The following SLC25A12 variants were observed in gnomAD, a reference collection of about 807,000 sequenced individuals.
SLC25A12 encodes electrogenic aspartate/glutamate antiporter SLC25A12, mitochondrial.
SLC25A12 carries 32 observed loss-of-function variants against 83.3 expected under a neutral mutation model. The observed-to-expected ratio is 0.38, with a 90% confidence interval of 0.29 to 0.52. The LOEUF is 0.52. Among genes scored for constraint, SLC25A12 ranks in the 20% least tolerant of loss-of-function variants. SLC25A12 has a pLI of 0.84. For missense variants in SLC25A12, 611 were observed against 835.6 expected, an observed-to-expected ratio of 0.73 and a Z score of 3.31; for synonymous variants, 267 against 291.1, an observed-to-expected ratio of 0.92 and a Z score of 0.84.
Position 171,893,216 on chromosome 2 carries a change from T to A in SLC25A12, c.55A>T (p.Ile19Leu). ...KRGDPHELRN[I>L]FLQYASTEVD... Reference sequence around the variant, plus strand: ...GCAAGCCAATTTACCTGTAGAAATATGTTTCTTAACTCATGAGGATCCCCT... The same window carrying A: ...GCAAGCCAATTTACCTGTAGAAATAAGTTTCTTAACTCATGAGGATCCCCT... Residue 19 changes from isoleucine to leucine, a missense_variant, in exon 2 of 18, where the codon ATA becomes TTA. Physicochemically the swap from Ile to Leu is conservative, Grantham distance 5. Around this residue, in one of 3 missense-constraint regions of SLC25A12, gnomAD observed 34 missense variants for 23.0 expected, o/e 1.48. Coordinates refer to ENST00000422440, the MANE Select transcript of SLC25A12 (RefSeq NM_003705.5). The A allele has an allele frequency of 6.2e-7, 1 of 1,614,092 alleles. No homozygotes were observed. Among genetic ancestry groups the A allele is most frequent in the Non-Finnish European group, 8.5e-7 (1 of 1,179,998 alleles).
At chr2:171,866,771 C>T (rs1453651445) in intron 3 of SLC25A12, among the ~76,000 whole-genome samples, 3 of 144,746 alleles carry the variant, frequency 2.1e-5, no homozygotes, top group Admixed American at 6.8e-5. Flanking sequence ...GGGCTGACCC[C>T]CCCCACCTCC....
At chr2:171,882,027 A>G (rs971392711) in intron 2 of SLC25A12, among the ~76,000 whole-genome samples, 4 of 152,212 alleles carry the variant, frequency 2.6e-5, no homozygotes. Context: ...ATAGTATGAC[A>G]GCTGCACTGG....
intron 4 of SLC25A12, chr2:171,848,393 G>A: frequency 2.4e-6 from 1 of 410,980 alleles, no homozygotes; most frequent in Admixed American, 2.9e-5. Flanking sequence ...TTATAGGCTT[G>A]AGACCAAACA....
At chr2:171,884,009 G>A (rs1685755616) in intron 2 of SLC25A12, among the ~76,000 whole-genome samples, 1 of 151,396 alleles carries the variant, frequency 6.6e-6, no homozygotes, top group Non-Finnish European at 1.5e-5. Context: ...TACAAGCACA[G>A]GCCACCATGC....
chr2:171,789,432 G>A (rs890340453), intron 15 of SLC25A12, among the ~76,000 whole-genome samples: 35 of 152,094 alleles, frequency 2.3e-4, no homozygotes, highest in African/African-American at 7.7e-4. Flanking sequence ...GTTTCACCGT[G>A]TTAGCCAGGA....
At chr2:171,806,226 G>A (rs554481059) in intron 13 of SLC25A12, among the ~76,000 whole-genome samples, 36 of 152,278 alleles carry the variant, frequency 2.4e-4, no homozygotes, top group South Asian at 2.1e-4. Context: ...TTGGGAGGCC[G>A]AGGCCGGTGG....
intron 9 of SLC25A12, among the ~76,000 whole-genome samples, chr2:171,826,171 A>T (rs1684296252): frequency 6.6e-6 from 1 of 152,226 alleles, no homozygotes; most frequent in Non-Finnish European, 1.5e-5. Flanking sequence ...ACCTAACACT[A>T]ATCTTTAAAT....
intron 8 of SLC25A12, among the ~76,000 whole-genome samples, chr2:171,831,913 T>A (rs867787486): frequency 5.4e-4 from 74 of 137,344 alleles, no homozygotes; most frequent in Admixed American, 9.4e-4. Context: ...AAAAAAAAAT[T>A]AAAGGGAAAG....
chr2:171,794,542 T>C (rs935979882), intron 13 of SLC25A12, among the ~76,000 whole-genome samples: 2 of 151,966 alleles, frequency 1.3e-5, no homozygotes, highest in Admixed American at 1.3e-4. Flanking sequence ...GAGATTTGAA[T>C]TTGGATAATG....
At chr2:171,891,294 A>G (rs555139149) in intron 2 of SLC25A12, among the ~76,000 whole-genome samples, 16 of 151,800 alleles carry the variant, frequency 1.1e-4, no homozygotes, top group Non-Finnish European at 1.9e-4. Context: ...GCGAGACTCC[A>G]TCTCAAAAAA....
intron 9 of SLC25A12, among the ~76,000 whole-genome samples, chr2:171,823,925 A>G (rs568778887): frequency 7.4e-6 from 1 of 134,820 alleles, no homozygotes; most frequent in Non-Finnish European, 1.6e-5. Flanking sequence ...TGGCTGACAG[A>G]GTGAGACCCT....
intron 3 of SLC25A12, among the ~76,000 whole-genome samples, chr2:171,860,583 CAG>C (rs1475087913): frequency 5.3e-5 from 8 of 152,224 alleles, no homozygotes; most frequent in African/African-American, 1.9e-4. Flanking sequence ...GCCTGAGTAA[CAG>C]AGACACACTC....
intron 2 of SLC25A12, among the ~76,000 whole-genome samples, chr2:171,883,522 G>C (rs111923498): frequency 2.6e-5 from 4 of 152,180 alleles, no homozygotes; most frequent in African/African-American, 9.7e-5. Context: ...TGAAAGAATC[G>C]GCCAGGCGTA....
chr2:171,792,832 C>T (rs1472862121), intron 14 of SLC25A12, among the ~76,000 whole-genome samples: 1 of 152,150 alleles, frequency 6.6e-6, no homozygotes, highest in Non-Finnish European at 1.5e-5. Context: ...TGATTCCAAT[C>T]TAGAGAATTT....
At chr2:171,853,765 C>T (rs1684988059) in intron 4 of SLC25A12, among the ~76,000 whole-genome samples, 2 of 151,974 alleles carry the variant, frequency 1.3e-5, no homozygotes, top group South Asian at 2.1e-4. Flanking sequence ...TAGCTACTTC[C>T]TACACTCATT....
At chr2:171,807,702 T>C (rs936397337) in intron 13 of SLC25A12, among the ~76,000 whole-genome samples, 1 of 152,198 alleles carries the variant, frequency 6.6e-6, no homozygotes, top group Non-Finnish European at 1.5e-5. Context: ...AGAATCTAAT[T>C]GGAATAAAGG....
chr2:171,804,441 T>C (rs1220082279), intron 13 of SLC25A12, among the ~76,000 whole-genome samples: 1 of 151,986 alleles, frequency 6.6e-6, no homozygotes, highest in Non-Finnish European at 1.5e-5. Context: ...GCATTTTTTA[T>C]AAAGATGGGG....
intron 9 of SLC25A12, among the ~76,000 whole-genome samples, chr2:171,822,456 T>A (rs2105874297): frequency 6.6e-6 from 1 of 152,328 alleles, no homozygotes; most frequent in East Asian, 1.9e-4. Context: ...TGATCACAGC[T>A]GACTGCAGCC....
chr2:171,791,680 T>C lies in SLC25A12; in HGVS notation c.1447-91A>G, dbSNP rs926875429. The C allele has an allele frequency of 2.4e-5, 30 of 1,253,508 alleles. No individual in the cohort carries two copies. The African/African-American group carries it at 3.4e-4, about 14-fold the overall frequency. 77.6% of individuals were successfully genotyped at this position (1,253,508 alleles called of 1,614,324 possible). A position where few individuals can be genotyped will look rare whatever the true frequency, so the allele number is the denominator to read the frequency against. ...CATGTGACATTTGTCAGTGACAAGC[T>C]TGAGGTGTCCCTCAGTGACAAGCCT... On this transcript the variant is annotated intron_variant, in intron 14 of 17. Transcript: ENST00000422440.
Sources: allele counts gnomAD v4.1 joint callset (sites outside exome capture counted in the v4.1 genomes callset), GRCh38; gene constraint gnomAD v4.1.1; regional missense constraint gnomAD v4.1.1; transcripts MANE v1.5; gene names NCBI Gene and HGNC (gene_info 2026-07-23, HGNC 2026-07-21).